Variants in PTPRD observed in about 807,000 individuals in gnomAD.
PTPRD encodes the protein receptor-type tyrosine-protein phosphatase delta.
PTPRD carries 34 observed loss-of-function variants against 214.5 expected under a neutral mutation model. That is an observed-to-expected ratio of 0.16 (90% CI 0.12 to 0.21). The LOEUF (loss-of-function observed/expected upper bound fraction) is 0.21. Among genes scored for constraint, PTPRD ranks in the 10% least tolerant of loss-of-function variants. PTPRD has a pLI of 1.00. For missense variants in PTPRD, 2,545 were observed against 2,398.7 expected, an observed-to-expected ratio of 1.06 and a Z score of -1.27; for synonymous variants, 1,128 against 845.7, an observed-to-expected ratio of 1.33 and a Z score of -5.79.
At chr9:9,891,845 C>G (rs1361639460) in intron 5 of PTPRD, among the ~76,000 whole-genome samples, 1 of 152,036 alleles carries the variant, frequency 6.6e-6, no homozygotes, top group Non-Finnish European at 1.5e-5. Context: ...TAGATTTTAT[C>G]AAAGTATTTT....
At chr9:9,211,235 C>T (rs2132823809) in intron 9 of PTPRD, among the ~76,000 whole-genome samples, 1 of 152,200 alleles carries the variant, frequency 6.6e-6, no homozygotes, top group Admixed American at 6.5e-5. Flanking sequence ...GACTCTGAAG[C>T]TCAATTGTGT....
intron 10 of PTPRD, among the ~76,000 whole-genome samples, chr9:9,178,354 T>C (rs778481233): frequency 7.2e-5 from 11 of 151,990 alleles, no homozygotes; most frequent in Non-Finnish European, 1.5e-4. Context: ...CTCTTTTTCC[T>C]CACTTCCTCC....
intron 12 of PTPRD, among the ~76,000 whole-genome samples, chr9:8,712,379 T>A (rs2098356698): frequency 2.6e-5 from 4 of 152,224 alleles, no homozygotes; most frequent in Admixed American, 2.6e-4. Flanking sequence ...TGAACAACAC[T>A]AAACAATCTT....
intron 8 of PTPRD, among the ~76,000 whole-genome samples, chr9:9,538,199 C>T (rs754707855): frequency 3.4e-4 from 51 of 151,816 alleles, no homozygotes; most frequent in Non-Finnish European, 6.0e-4. Context: ...CTTTAGATTG[C>T]TAGCAGTGAA....
intron 34 of PTPRD, among the ~76,000 whole-genome samples, chr9:8,440,357 C>T (rs907456257): frequency 6.6e-6 from 1 of 151,742 alleles, no homozygotes; most frequent in African/African-American, 2.4e-5. Context: ...ACTCTGTTGC[C>T]CAGGCTGGAG....
At chr9:8,743,856 C>T (rs2092440286) in intron 11 of PTPRD, among the ~76,000 whole-genome samples, 1 of 150,704 alleles carries the variant, frequency 6.6e-6, no homozygotes, top group Non-Finnish European at 1.5e-5. Context: ...AGACAACCTA[C>T]AGAGTGGGAG....
At chr9:8,903,822 C>A (rs1309168457) in intron 11 of PTPRD, among the ~76,000 whole-genome samples, 1 of 146,484 alleles carries the variant, frequency 6.8e-6, no homozygotes, top group Non-Finnish European at 1.5e-5. Flanking sequence ...AAGTGAATTG[C>A]ATAAAGTTCA....
chr9:8,401,481 C>T lies in PTPRD; in HGVS notation c.4210+3056G>A, dbSNP rs533616174. Among the ~76,000 whole-genome samples, 17 of 152,266 alleles carry T rather than the reference C, an allele frequency of 1.1e-4. No individual in the cohort carries two copies. In the South Asian group the frequency reaches 3.5e-3, roughly 32 times the overall value. ...TCAAAAATTCAATTCTGTTTCCATA[C>T]TGCTTACCCTATAATTAAACAATTG... On this transcript the variant is annotated intron_variant, in intron 36 of 45. Coordinates refer to ENST00000381196, the MANE Select transcript of PTPRD (RefSeq NM_002839.4).
intron 11 of PTPRD, among the ~76,000 whole-genome samples, chr9:8,748,522 CA>C (rs1239091825): frequency 1.6e-3 from 60 of 37,878 alleles, no homozygotes; most frequent in Non-Finnish European, 2.4e-3. Flanking sequence ...CCTGCAACTG[CA>C]AAAAAAAAAA....
chr9:9,291,970 C>T (rs982321925), intron 9 of PTPRD, among the ~76,000 whole-genome samples: 2 of 150,294 alleles, frequency 1.3e-5, no homozygotes, highest in African/African-American at 4.9e-5. Context: ...CTAATTTATG[C>T]TTTGCAATTA....
intron 7 of PTPRD, among the ~76,000 whole-genome samples, chr9:9,732,551 C>T (rs1290601354): frequency 6.6e-6 from 1 of 151,984 alleles, no homozygotes; most frequent in Non-Finnish European, 1.5e-5. Flanking sequence ...GAGGAGGGTC[C>T]AGATCCAACT....
At chr9:9,416,286 T>G (rs2076967099) in intron 8 of PTPRD, among the ~76,000 whole-genome samples, 1 of 152,184 alleles carries the variant, frequency 6.6e-6, no homozygotes, top group Admixed American at 6.5e-5. Flanking sequence ...TGGTTGGGTT[T>G]GAAATCTTTC....
At chr9:8,739,207 C>A (rs565916147) in intron 11 of PTPRD, among the ~76,000 whole-genome samples, 2 of 152,214 alleles carry the variant, frequency 1.3e-5, no homozygotes, top group South Asian at 2.1e-4. Context: ...CCAGGAATTC[C>A]CTAGGCCCTC....
intron 3 of PTPRD, among the ~76,000 whole-genome samples, chr9:10,214,217 A>G (rs2099530165): frequency 6.6e-6 from 1 of 152,068 alleles, no homozygotes; most frequent in African/African-American, 2.4e-5. Flanking sequence ...GGAAATTCCC[A>G]TCTACAAGTA....
Position 10,432,868 on chromosome 9 carries a change from A to G in PTPRD, c.-599-91851T>C, listed in dbSNP as rs996114995. Among the ~76,000 whole-genome samples the G allele has an allele frequency of 4.0e-5, 6 of 151,834 alleles. No individual in the cohort carries two copies. In the East Asian group the frequency reaches 9.7e-4, roughly 25 times the overall value. Reference sequence around the variant, plus strand: ...AGGATGACAGGTTGTTTCATACCTCATTATTTTTGCTCATAGTGTCCAGTG... The same window carrying G: ...AGGATGACAGGTTGTTTCATACCTCGTTATTTTTGCTCATAGTGTCCAGTG... On this transcript the variant is annotated intron_variant, in intron 2 of 45. Transcript: ENST00000381196.
intron 11 of PTPRD, among the ~76,000 whole-genome samples, chr9:8,849,171 ATTTTTT>A (rs746565485): frequency 9.2e-5 from 10 of 108,750 alleles, no homozygotes; most frequent in East Asian, 3.0e-4. Flanking sequence ...TCAAAAAAAA[ATTTTTT>A]TTTTTTTTTT....
intron 8 of PTPRD, among the ~76,000 whole-genome samples, chr9:9,398,847 G>C (rs952591226): frequency 2.0e-5 from 3 of 151,900 alleles, no homozygotes; most frequent in Non-Finnish European, 4.4e-5. Flanking sequence ...GAAGTTACTG[G>C]CATCATCTTA....
intron 9 of PTPRD, among the ~76,000 whole-genome samples, chr9:9,209,974 G>C (rs1000791637): frequency 6.6e-6 from 1 of 152,036 alleles, no homozygotes. Flanking sequence ...ATGCAGAAGG[G>C]CCCAGATAGA....
At chr9:8,905,168 A>T (rs58890045) in intron 11 of PTPRD, among the ~76,000 whole-genome samples, 1 of 152,122 alleles carries the variant, frequency 6.6e-6, no homozygotes, top group African/African-American at 2.4e-5. Context: ...TTTATGTAAC[A>T]TGCAAATCAA....
Sources: allele counts gnomAD v4.1 joint callset (sites outside exome capture counted in the v4.1 genomes callset), GRCh38; gene constraint gnomAD v4.1.1; transcripts MANE v1.5; gene names NCBI Gene and HGNC (gene_info 2026-07-23, HGNC 2026-07-21).